SH3PXD2A: variants seen among roughly 807,000 people sequenced by gnomAD.
The protein encoded by SH3PXD2A is SH3 and PX domain-containing protein 2A.
Under a neutral mutation model 115.2 loss-of-function variants are expected in SH3PXD2A, and 32 were observed. The ratio of observed to expected loss-of-function variants is 0.28; its 90% CI spans 0.21 to 0.37. SH3PXD2A has a LOEUF of 0.37. Ranked by LOEUF, SH3PXD2A falls within the 10% of genes least tolerant of loss-of-function variation. The pLI, the probability that SH3PXD2A is intolerant of heterozygous loss-of-function variation, is 1.00. For synonymous variants in SH3PXD2A, 610 were observed against 629.1 expected, an observed-to-expected ratio of 0.97 and a Z score of 0.45; for missense variants, 1,328 against 1,498.7, an observed-to-expected ratio of 0.89 and a Z score of 1.88.
chr10:103,835,909 C>T (rs566286717), intron 1 of SH3PXD2A, among the ~76,000 whole-genome samples: 1 of 152,340 alleles, frequency 6.6e-6, no homozygotes, highest in East Asian at 1.9e-4. Flanking sequence ...CCCCTTTCAG[C>T]ATGAGCAAAG....
At chr10:103,848,285 C>G (rs1842867171) in intron 1 of SH3PXD2A, among the ~76,000 whole-genome samples, 1 of 152,034 alleles carries the variant, frequency 6.6e-6, no homozygotes, top group South Asian at 2.1e-4. Context: ...GAAGCCAGAC[C>G]CCTAGGAGTG....
intron 6 of SH3PXD2A, among the ~76,000 whole-genome samples, chr10:103,687,307 T>TAC (rs1365426292): frequency 6.6e-6 from 1 of 152,126 alleles, no homozygotes; most frequent in Non-Finnish European, 1.5e-5. Context: ...TTCCTTACAC[T>TAC]ACATCGCTTA....
In SH3PXD2A at chr10:103,597,206, C is replaced by G. The variant is rs1451877395; in HGVS notation, c.*4610G>C. 1.3e-5 allele frequency: 2 copies of G among 152,730 alleles called. No individual in the cohort carries two copies. Among genetic ancestry groups the G allele is most frequent in the Non-Finnish European group, 2.9e-5 (2 of 68,096 alleles). The allele number at this position is 152,730 out of a possible 1,614,324, so 9.5% of individuals were successfully genotyped here. On this transcript the variant is annotated 3_prime_UTR_variant, in exon 15 of 15. Transcript: ENST00000369774. Reference sequence around the variant, plus strand: ...GGCAGCCCAGGCTCAGCCCCAGGCCCTGCTGCAGGCTTGTGGGAATTGGTG... The same window carrying G: ...GGCAGCCCAGGCTCAGCCCCAGGCCGTGCTGCAGGCTTGTGGGAATTGGTG...
intron 6 of SH3PXD2A, among the ~76,000 whole-genome samples, chr10:103,678,406 G>A (rs2037568227): frequency 1.3e-5 from 2 of 152,268 alleles, no homozygotes; most frequent in South Asian, 4.1e-4. Context: ...AGAGGGCCTG[G>A]AAGATGAGAG....
At chr10:103,675,995 C>T (rs544129918) in intron 6 of SH3PXD2A, among the ~76,000 whole-genome samples, 5 of 151,630 alleles carry the variant, frequency 3.3e-5, no homozygotes, top group East Asian at 1.9e-4. Flanking sequence ...GCCGAGATCG[C>T]GCCATTGCAC....
chr10:103,710,831 T>C (rs1387832852), intron 5 of SH3PXD2A, among the ~76,000 whole-genome samples: 3 of 151,842 alleles, frequency 2.0e-5, no homozygotes, highest in Non-Finnish European at 4.4e-5. Context: ...AGTCCAGGAG[T>C]TCAAGACCAG....
At position 103,602,056 on chromosome 10, in the gene SH3PXD2A, G is replaced by A. The variant is rs199599121; in HGVS notation, c.3162C>T (p.Pro1054=). The stretch of plus-strand genomic sequence containing the variant: ...TGGGCTTGGGGCGCACAGGGGACAC[G>A]GGTATGCTGTTGCGCTGGGCGGGCA... ...PLLPAQRNSI[P]VSPVRPKPIE... The change falls in exon 15 of 15, where the codon CCC becomes CCT. Residue 1054 remains proline (P), a synonymous_variant. Transcript: ENST00000369774. The A allele has an allele frequency of 5.7e-5, 92 of 1,607,824 alleles. No individual in the cohort carries two copies. Among genetic ancestry groups the A allele is most frequent in the Non-Finnish European group, 7.1e-5 (84 of 1,176,124 alleles).
chr10:103,753,495 CAAAAAAAAAAA>C (rs58148179), intron 3 of SH3PXD2A, among the ~76,000 whole-genome samples: 1 of 65,444 alleles, frequency 1.5e-5, no homozygotes, highest in Non-Finnish European at 2.9e-5. Context: ...GACCCCATCT[CAAAAAAAAAAA>C]AAAAAAAAAA....
Position 103,719,749 on chromosome 10 carries a change from C to G in SH3PXD2A, c.398+4521G>C, listed in dbSNP as rs113504098. Among the ~76,000 whole-genome samples, 805 of 103,744 alleles carry G rather than the reference C, an allele frequency of 7.8e-3. 6 individuals are homozygous for G. The highest frequency in any genetic ancestry group is 0.03 in the African/African-American group (755 of 25,558). The allele number at this position is 103,744 out of a possible 152,430, so 68.1% of individuals were successfully genotyped here. ...TTTTTTTTTTTTTTTGAGATGGAGT[C>G]TTGCTCTGTCACCCAGCTGGAGTGC... On this transcript the variant is annotated intron_variant, in intron 5 of 14. Coordinates refer to ENST00000369774, the MANE Select transcript of SH3PXD2A (RefSeq NM_001394015.1).
chr10:103,605,589 G>A (rs1032680747), intron 14 of SH3PXD2A, among the ~76,000 whole-genome samples: 7 of 152,222 alleles, frequency 4.6e-5, no homozygotes, highest in African/African-American at 1.7e-4. Context: ...AGCCCTGTGA[G>A]CTCAGGGTGG....
In SH3PXD2A at chr10:103,627,156, G is replaced by A; in HGVS notation, c.651C>T (p.Ala217=). Residue 217 remains alanine (A), a synonymous_variant, in exon 9 of 15, where the codon GCC becomes GCT. Coordinates refer to ENST00000369774, the MANE Select transcript of SH3PXD2A (RefSeq NM_001394015.1). The surrounding 1 kb of genome is among the most constrained non-coding windows in gnomAD (Gnocchi z 4.4). The part of the protein sequence containing the change: ...STSEEQGWVP[A]TYLEAQNGTR... ...TACCATTCTGGGCCTCCAGGTAGGT[G>A]GCAGGGACCCAGCCCTGCTCCTCAG... The A allele has an allele frequency of 6.2e-7, 1 of 1,613,642 alleles. No individual in the cohort carries two copies. The highest frequency in any genetic ancestry group is 8.5e-7 in the Non-Finnish European group (1 of 1,179,568).
At chr10:103,697,729 T>C (rs2037841690) in intron 5 of SH3PXD2A, among the ~76,000 whole-genome samples, 1 of 152,196 alleles carries the variant, frequency 6.6e-6, no homozygotes, top group African/African-American at 2.4e-5. Flanking sequence ...TTTTTTCCTT[T>C]CATTTTATCT....
At chr10:103,825,094 T>C (rs940835669) in intron 1 of SH3PXD2A, among the ~76,000 whole-genome samples, 4 of 152,218 alleles carry the variant, frequency 2.6e-5, no homozygotes, top group Non-Finnish European at 5.9e-5. Flanking sequence ...AGCCTCTCTC[T>C]AAACTTTCTA....
Position 103,801,351 on chromosome 10 carries a change from G to A in SH3PXD2A, c.84C>T (p.Ile28=). 1.2e-6 allele frequency: 2 copies of A among 1,606,816 alleles called. No individual in the cohort carries two copies. The highest frequency in any genetic ancestry group is 1.7e-6 in the Non-Finnish European group (2 of 1,173,364). ...RNPSKHYVYI[I]NVTWSDSTSQ... is the part of the protein sequence containing the mutation. ...AGGTGGAGTCAGACCAGGTCACATT[G>A]ATTATGTATACCTGTGGGAAAAAGG... The change falls in exon 2 of 15, where the codon ATC becomes ATT. Residue 28 remains isoleucine, a synonymous_variant. Coordinates refer to ENST00000369774, the MANE Select transcript of SH3PXD2A (RefSeq NM_001394015.1).
intron 7 of SH3PXD2A, among the ~76,000 whole-genome samples, chr10:103,663,343 G>A (rs568073992): frequency 6.6e-6 from 1 of 152,296 alleles, no homozygotes; most frequent in African/African-American, 2.4e-5. Context: ...ACTAACCAGA[G>A]GCCCCTCTAC....
intron 1 of SH3PXD2A, among the ~76,000 whole-genome samples, chr10:103,836,647 C>T (rs2134311574): frequency 6.7e-6 from 1 of 150,362 alleles, no homozygotes; most frequent in South Asian, 2.1e-4. Flanking sequence ...TTCCCCAACA[C>T]ACGAGTGCAC....
At chr10:103,805,533 A>T (rs578060468) in intron 1 of SH3PXD2A, among the ~76,000 whole-genome samples, 7 of 152,310 alleles carry the variant, frequency 4.6e-5, no homozygotes, top group African/African-American at 1.7e-4. Context: ...CTAGCCTAGG[A>T]CTACTCTGCA....
chr10:103,654,726 T>C (rs910373337), intron 8 of SH3PXD2A, among the ~76,000 whole-genome samples: 1 of 152,194 alleles, frequency 6.6e-6, no homozygotes. Flanking sequence ...CCTGAATTCC[T>C]TTAGAATTAG....
At chr10:103,768,803 A>G (rs2038785803) in intron 2 of SH3PXD2A, among the ~76,000 whole-genome samples, 1 of 152,152 alleles carries the variant, frequency 6.6e-6, no homozygotes, top group Admixed American at 6.5e-5. Context: ...GTAATTTATC[A>G]AGAAAAGAAT....
Sources: allele counts gnomAD v4.1 joint callset (sites outside exome capture counted in the v4.1 genomes callset), GRCh38; gene constraint gnomAD v4.1.1; non-coding constraint Gnocchi (gnomAD v3.1); transcripts MANE v1.5; gene names NCBI Gene and HGNC (gene_info 2026-07-23, HGNC 2026-07-21).